Variants in MLLT10 observed in about 807,000 individuals in gnomAD.
The protein encoded by MLLT10 is protein AF-10.
MLLT10 carries 30 observed loss-of-function variants against 129.1 expected under a neutral mutation model. The observed-to-expected ratio is 0.23, with a 90% CI of 0.17 to 0.32. MLLT10 has a LOEUF of 0.32. Among genes scored for constraint, MLLT10 ranks in the 10% least tolerant of loss-of-function variants. The pLI is 1.00. For missense variants in MLLT10, 1,119 were observed against 1,268.3 expected (o/e 0.88, Z 1.79); for synonymous variants, 490 against 446.4 (o/e 1.10, Z -1.23).
rs2033360005 is a variant in MLLT10, at chr10:21,534,307, C to CA, written c.-214_-213insA. ...CTCGCTGCCCCTGGCCCAGCGGGAGCCCCCCCTCCCCCCAGTGCGCCTGTG... is the reference window on the plus strand; with the variant it reads ...CTCGCTGCCCCTGGCCCAGCGGGAGCACCCCCCTCCCCCCAGTGCGCCTGTG... On this transcript the variant is annotated 5_prime_UTR_variant, in exon 1 of 23. Coordinates refer to ENST00000307729, the MANE Select transcript of MLLT10 (RefSeq NM_001195626.3). 1 of 309,912 alleles carries CA rather than the reference C, an allele frequency of 3.2e-6. No homozygotes were observed. The highest frequency in any genetic ancestry group is 3.1e-5 in the African/African-American group (1 of 32,744). 19.2% of individuals were successfully genotyped at this position (309,912 alleles called of 1,614,324 possible).
intron 5 of MLLT10, among the ~76,000 whole-genome samples, chr10:21,608,878 A>G (rs757562688): frequency 1.3e-5 from 2 of 152,150 alleles, no homozygotes; most frequent in African/African-American, 2.4e-5. Context: ...ACTCTCAAAG[A>G]CAGTTTTTCT....
chr10:21,738,349 A>T (rs1365764357), intron 21 of MLLT10: 1 of 1,235,708 alleles, frequency 8.1e-7, no homozygotes, highest in Non-Finnish European at 1.1e-6. Context: ...TATGAGCACT[A>T]AAACTCCATT....
Position 21,617,190 on chromosome 10 carries a change from C to T in MLLT10, c.682C>T (p.His228Tyr). The change falls in exon 8 of 23, where the codon CAT becomes TAT. Residue 228 changes from histidine to tyrosine, a missense_variant. Physicochemically the swap from His to Tyr is moderately conservative, Grantham distance 83. Around this residue, in one of 5 missense-constraint regions of MLLT10, gnomAD observed 1,004 missense variants for 1,008.7 expected, o/e 1.00. Coordinates refer to ENST00000307729, the MANE Select transcript of MLLT10 (RefSeq NM_001195626.3). ...TTCCTCTCACTCTCAGGATAAACAT[C>T]ATGAGAAAGAGAAAAAAGTAAGTGG... The part of the protein sequence containing the change: ...DSSSHSQDKH[H>Y]EKEKKKYKEK... 2 of 1,513,398 alleles carry T rather than the reference C, an allele frequency of 1.3e-6. No homozygotes were observed. The highest frequency in any genetic ancestry group is 1.8e-4 in the Middle Eastern group (1 of 5,608). The allele number at this position is 1,513,398 out of a possible 1,614,324, so 93.7% of individuals were successfully genotyped here.
rs554451902 is a variant in MLLT10, at chr10:21,534,363, C to T, written c.-158C>T. The T allele has an allele frequency of 1.9e-5, 8 of 431,210 alleles. No individual in the cohort carries two copies. Among genetic ancestry groups the T allele is most frequent in the African/African-American group, 1.2e-4 (6 of 48,934 alleles). The allele number at this position is 431,210 out of a possible 1,614,324, so 26.7% of individuals were successfully genotyped here. A position where few individuals can be genotyped will look rare whatever the true frequency, so the allele number is the denominator to read the frequency against. ...GCCCTCTTGATTATGTGTGCCCTCTCCGGGCGCCCGCGTTAGCGGCCGGGT... is the reference window on the plus strand; with the variant it reads ...GCCCTCTTGATTATGTGTGCCCTCTTCGGGCGCCCGCGTTAGCGGCCGGGT... On this transcript the variant is annotated 5_prime_UTR_variant, in exon 1 of 23. Transcript: ENST00000307729.
At chr10:21,564,645 C>CT (rs34546098) in intron 3 of MLLT10, 6,128 of 151,380 alleles carry the variant, frequency 0.04, 177 homozygotes, top group Non-Finnish European at 0.062. Context: ...GAGACAGAGT[C>CT]TCCCCATCTC....
At chr10:21,625,688 A>G in intron 8 of MLLT10, 2 of 765,770 alleles carry the variant, frequency 2.6e-6, no homozygotes, top group Non-Finnish European at 2.4e-6. Flanking sequence ...ATTCTTCAGA[A>G]TGGATCCAAC....
At chr10:21,616,436 G>A (rs997123084) in intron 7 of MLLT10, among the ~76,000 whole-genome samples, 1 of 151,814 alleles carries the variant, frequency 6.6e-6, no homozygotes, top group Non-Finnish European at 1.5e-5. Context: ...ACACCAATTC[G>A]ATGTGGTACC....
chr10:21,598,235 A>G (rs1292732797), intron 5 of MLLT10, among the ~76,000 whole-genome samples: 1 of 152,236 alleles, frequency 6.6e-6, no homozygotes, highest in East Asian at 1.9e-4. Context: ...ATATTCCACT[A>G]ATGTCATTTA....
At chr10:21,668,959 A>T in intron 9 of MLLT10, 1 of 1,337,470 alleles carries the variant, frequency 7.5e-7, no homozygotes. Flanking sequence ...GAACCTCAGG[A>T]TCAACTCAAG....
At chr10:21,713,261 A>G (rs1380741781) in intron 13 of MLLT10, among the ~76,000 whole-genome samples, 3 of 152,086 alleles carry the variant, frequency 2.0e-5, no homozygotes, top group Non-Finnish European at 4.4e-5. Context: ...TCTCCCACCA[A>G]TGTCATCAGC....
At chr10:21,727,422 A>G (rs1180402689) in intron 15 of MLLT10, among the ~76,000 whole-genome samples, 1 of 152,162 alleles carries the variant, frequency 6.6e-6, no homozygotes, top group Non-Finnish European at 1.5e-5. Context: ...GTGCAGCTCT[A>G]TGTAAATGTG....
rs546085020 is a variant in MLLT10, at chr10:21,727,945, C to T, written c.2063+17C>T. 67 of 1,610,938 alleles carry T rather than the reference C, an allele frequency of 4.2e-5. No individual in the cohort carries two copies. In the South Asian group the frequency reaches 6.9e-4, roughly 17 times the overall value. ...CTCGCCACGGTAAGCGCTATTTACA[C>T]TGCAAAGTATAGGCAAAGGAAACGT... On this transcript the variant is annotated intron_variant, in intron 16 of 22. Coordinates refer to ENST00000307729, the MANE Select transcript of MLLT10 (RefSeq NM_001195626.3).
chr10:21,709,638 C>A (rs1393520323), intron 13 of MLLT10, among the ~76,000 whole-genome samples: 1 of 152,218 alleles, frequency 6.6e-6, no homozygotes, highest in Non-Finnish European at 1.5e-5. Flanking sequence ...ATATCTTTTT[C>A]TCTGCTATGT....
At chr10:21,708,903 T>G (rs1404917554) in intron 13 of MLLT10, among the ~76,000 whole-genome samples, 2 of 152,222 alleles carry the variant, frequency 1.3e-5, no homozygotes, top group African/African-American at 2.4e-5. Context: ...AGCTACCATT[T>G]ATTAAAACTT....
At chr10:21,535,121 T>C (rs945981036) in intron 2 of MLLT10, among the ~76,000 whole-genome samples, 2 of 85,274 alleles carry the variant, frequency 2.3e-5, no homozygotes, top group Non-Finnish European at 5.1e-5. Flanking sequence ...TGGGCCGGGG[T>C]GGGGGCGGGG....
intron 15 of MLLT10, among the ~76,000 whole-genome samples, chr10:21,726,681 CTTTTTTTTTTTTTTT>C (rs35036202): frequency 5.3e-4 from 46 of 87,606 alleles, no homozygotes; most frequent in Non-Finnish European, 8.5e-4. Context: ...TAGCAATGTC[CTTTTTTTTTTTTTTT>C]TTTTTTTTTT....
intron 10 of MLLT10, among the ~76,000 whole-genome samples, chr10:21,672,348 C>A (rs2051527270): frequency 6.6e-6 from 1 of 152,090 alleles, no homozygotes. Flanking sequence ...CCACCTTTGT[C>A]TCCCAAGTAG....
chr10:21,627,767 C>G (rs1020567638), intron 8 of MLLT10, among the ~76,000 whole-genome samples: 4 of 152,146 alleles, frequency 2.6e-5, no homozygotes, highest in African/African-American at 9.7e-5. Context: ...ATTTTTAAAA[C>G]CAGCAAGTCT....
rs117330146 is a variant in MLLT10 at position 21,742,750 on chromosome 10, G to T, written c.*767G>T. The T allele has an allele frequency of 5.3e-3, 1,201 of 227,482 alleles. 9 individuals carry two copies. Among genetic ancestry groups the T allele is most frequent in the Non-Finnish European group, 8.3e-3 (954 of 114,496 alleles). The allele number at this position is 227,482 out of a possible 1,614,324, so 14.1% of individuals were successfully genotyped here. On this transcript the variant is annotated 3_prime_UTR_variant, in exon 23 of 23. Coordinates refer to ENST00000307729, the MANE Select transcript of MLLT10 (RefSeq NM_001195626.3). ...CTTCTTTCAGAAAGGGGCCACTGTGGAAAGTGCTGGTGGGGTTTGCCCTTG... is the reference window on the plus strand; with the variant it reads ...CTTCTTTCAGAAAGGGGCCACTGTGTAAAGTGCTGGTGGGGTTTGCCCTTG...
Sources: gnomAD v4.1 joint callset for allele counts (sites outside exome capture counted in the v4.1 genomes callset) on GRCh38, gnomAD v4.1.1 for gene constraint, gnomAD v4.1.1 regional missense constraint, MANE v1.5 for transcripts, NCBI Gene and HGNC (gene_info 2026-07-23, HGNC 2026-07-21) for gene names.